The following TRIT1 variants were observed in gnomAD, a reference collection of about 807,000 sequenced individuals.
TRIT1 encodes the protein tRNA isopentenyltransferase 1, also known as tRNA dimethylallyltransferase.
TRIT1 carries 43 observed loss-of-function variants against 51.2 expected under a neutral mutation model. That is an observed-to-expected ratio of 0.84 (90% CI 0.66 to 1.08). The LOEUF (loss-of-function observed/expected upper bound fraction) is 1.08. Among genes scored for constraint, TRIT1 ranks in the 50% least tolerant of loss-of-function variants. TRIT1 has a pLI of 0.00. For missense variants in TRIT1, 528 were observed against 578.4 expected, an observed-to-expected ratio of 0.91 and a Z score of 0.89; for synonymous variants, 184 against 203.9, an observed-to-expected ratio of 0.90 and a Z score of 0.83.
intron 1 of TRIT1, among the ~76,000 whole-genome samples, chr1:39,869,799 C>T (rs1310884861): frequency 2.0e-5 from 3 of 151,930 alleles, no homozygotes; most frequent in East Asian, 3.9e-4. Flanking sequence ...CCGGCCGCCC[C>T]GTCTGAGAAG....
At position 39,839,784 on chromosome 1, in the gene TRIT1, T is replaced by G. The variant is rs1239566034; in HGVS notation, c.*1960A>C. On this transcript the variant is annotated 3_prime_UTR_variant, in exon 11 of 11. Coordinates refer to ENST00000316891, the MANE Select transcript of TRIT1 (RefSeq NM_017646.6). Reference sequence around the variant, plus strand: ...AATTGCCATAGAGATAACAATGAGTTCAATGAGAAGTTACTGCTCCAGGTA... The same window carrying G: ...AATTGCCATAGAGATAACAATGAGTGCAATGAGAAGTTACTGCTCCAGGTA... Among the ~76,000 whole-genome samples, 2 of 152,216 alleles carry G rather than the reference T, an allele frequency of 1.3e-5. No homozygotes were observed. The highest frequency in any genetic ancestry group is 4.8e-5 in the African/African-American group (2 of 41,446).
At chr1:39,878,169 G>GAA (rs201680469) in intron 1 of TRIT1, among the ~76,000 whole-genome samples, 16 of 150,000 alleles carry the variant, frequency 1.1e-4, no homozygotes, top group African/African-American at 3.7e-4. Flanking sequence ...CTGTGTCATA[G>GAA]AAAAAAAAAG....
chr1:39,857,245 C>T, intron 2 of TRIT1, 32 bp downstream of exon 2: 6 of 1,575,402 alleles, frequency 3.8e-6, no homozygotes, highest in Non-Finnish European at 5.2e-6. Context: ...CTTTCACCCA[C>T]CAAACCCAGC....
At chr1:39,843,712 C>A (rs1418575308) in intron 10 of TRIT1, among the ~76,000 whole-genome samples, 1 of 152,150 alleles carries the variant, frequency 6.6e-6, no homozygotes, top group Non-Finnish European at 1.5e-5. Flanking sequence ...TCTGCTTCTT[C>A]CAGTCTCCTG....
At chr1:39,851,325 C>CG (rs1642555591) in intron 4 of TRIT1, among the ~76,000 whole-genome samples, 1 of 152,114 alleles carries the variant, frequency 6.6e-6, no homozygotes, top group African/African-American at 2.4e-5. Flanking sequence ...TTCTCAAACT[C>CG]ATTACTCGTT....
intron 1 of TRIT1, among the ~76,000 whole-genome samples, chr1:39,862,061 A>G (rs1197583654): frequency 6.6e-6 from 1 of 152,234 alleles, no homozygotes; most frequent in Non-Finnish European, 1.5e-5. Context: ...GATCTCATGT[A>G]TATGAAGTAC....
At chr1:39,859,116 T>G (rs984448074) in intron 1 of TRIT1, among the ~76,000 whole-genome samples, 2 of 151,548 alleles carry the variant, frequency 1.3e-5, no homozygotes, top group Non-Finnish European at 2.9e-5. Flanking sequence ...TAGCTGGGTG[T>G]CGTGGCGTGT....
intron 1 of TRIT1, among the ~76,000 whole-genome samples, chr1:39,882,844 C>T (rs921143977): frequency 2.6e-5 from 4 of 152,228 alleles, no homozygotes; most frequent in Admixed American, 2.6e-4. Flanking sequence ...GGTCTCCTGA[C>T]TGTCAACCCT....
In TRIT1 at chr1:39,838,649, T is replaced by C. The variant is rs1569937957; in HGVS notation, c.*3095A>G. 6.6e-6 allele frequency among the ~76,000 whole-genome samples: 1 copy of C among 151,546 alleles called. No homozygotes were observed. Among genetic ancestry groups the C allele is most frequent in the East Asian group, 2.0e-4 (1 of 4,954 alleles). On this transcript the variant is annotated 3_prime_UTR_variant, in exon 11 of 11. Coordinates refer to ENST00000316891, the MANE Select transcript of TRIT1 (RefSeq NM_017646.6). ...ACCATACCCGGCATGCATACATATATATATATGTAAGTATGTATGTATGTA... is the reference window on the plus strand; with the variant it reads ...ACCATACCCGGCATGCATACATATACATATATGTAAGTATGTATGTATGTA...
chr1:39,878,269 T>C (rs1195647029), intron 1 of TRIT1, among the ~76,000 whole-genome samples: 2 of 152,226 alleles, frequency 1.3e-5, no homozygotes, highest in African/African-American at 2.4e-5. Context: ...CATATCAGGC[T>C]ACATGAAGAA....
intron 1 of TRIT1, among the ~76,000 whole-genome samples, chr1:39,864,662 C>A (rs894612082): frequency 7.9e-5 from 12 of 151,946 alleles, no homozygotes; most frequent in African/African-American, 2.7e-4. Flanking sequence ...TTGAGAAACC[C>A]CGATCTAAAG....
Position 39,844,605 on chromosome 1 carries a change from C to T in TRIT1, c.1042G>A (p.Glu348Lys). Residue 348 changes from glutamate (E) to lysine (K), a missense_variant, in exon 9 of 11, where the codon GAG becomes AAG. By Grantham distance (56) the Glu-to-Lys change is moderately conservative (BLOSUM62 1). Coordinates refer to ENST00000316891, the MANE Select transcript of TRIT1 (RefSeq NM_017646.6). The part of the protein sequence containing the change: ...GPIVPPVYGL[E>K]VSDVSKWEES... ...TCCCACTTCGAGACATCAGATACCT[C>T]TAAGCCATAGACAGGGGGGACAATG... The T allele has an allele frequency of 6.2e-7, 1 of 1,614,000 alleles. No homozygotes were observed. The highest frequency in any genetic ancestry group is 1.3e-5 in the African/African-American group (1 of 75,064).
At chr1:39,865,326 T>A (rs1643475537) in intron 1 of TRIT1, among the ~76,000 whole-genome samples, 1 of 152,234 alleles carries the variant, frequency 6.6e-6, no homozygotes, top group Non-Finnish European at 1.5e-5. Flanking sequence ...GAAACAATAT[T>A]GAGAAATGGC....
chr1:39,863,221 G>A (rs1186897000), intron 1 of TRIT1, among the ~76,000 whole-genome samples: 4 of 152,200 alleles, frequency 2.6e-5, no homozygotes, highest in Non-Finnish European at 5.9e-5. Context: ...ATCCCAGCAC[G>A]TTAGAAGGCT....
Position 39,846,485 on chromosome 1 carries a change from A to C in TRIT1, c.1006+735T>G, listed in dbSNP as rs1301989808. Among the ~76,000 whole-genome samples the C allele has an allele frequency of 2.6e-5, 4 of 152,352 alleles. No individual in the cohort carries two copies. The East Asian group carries it at 7.7e-4, about 29-fold the overall frequency. ...GGTCCAATACTAATGCTGTCTTGCT[A>C]AAGTTACAGCTAAAGGAAGTAAGAG... is the stretch of plus-strand genomic sequence containing the variant. On this transcript the variant is annotated intron_variant, in intron 8 of 10. Coordinates refer to ENST00000316891, the MANE Select transcript of TRIT1 (RefSeq NM_017646.6).
intron 1 of TRIT1, among the ~76,000 whole-genome samples, chr1:39,876,927 C>CA (rs1283056006): frequency 0.012 from 684 of 59,352 alleles, 2 homozygotes; most frequent in African/African-American, 0.015. Context: ...GACTCCATCT[C>CA]AAAAAAAAAA....
intron 4 of TRIT1, 157 bp downstream of exon 4, chr1:39,852,574 G>T: frequency 1.3e-6 from 1 of 798,958 alleles, no homozygotes; most frequent in Non-Finnish European, 2.0e-6. Context: ...TTGAACTGAA[G>T]CAATAACTCA....
At chr1:39,881,296 C>G (rs1344234870) in intron 1 of TRIT1, among the ~76,000 whole-genome samples, 1 of 151,396 alleles carries the variant, frequency 6.6e-6, no homozygotes, top group Non-Finnish European at 1.5e-5. Flanking sequence ...TAGGTGTCAT[C>G]AGTGTAACTC....
intron 3 of TRIT1, 62 bp from the exon 4 acceptor site, chr1:39,852,938 A>T (rs149043100): frequency 1.3e-4 from 205 of 1,561,072 alleles, no homozygotes; most frequent in Non-Finnish European, 1.7e-4. Flanking sequence ...TGTATGTGCC[A>T]GGCACTTTGC....
Sources: gnomAD v4.1 joint callset for allele counts (sites outside exome capture counted in the v4.1 genomes callset) on GRCh38, gnomAD v4.1.1 for gene constraint, MANE v1.5 for transcripts, NCBI Gene and HGNC (gene_info 2026-07-23, HGNC 2026-07-21) for gene names.